The following PPFIA4 variants were observed in gnomAD, a reference collection of about 807,000 sequenced individuals.
The protein encoded by PPFIA4 is liprin-alpha-4.
Under a neutral mutation model 145.7 loss-of-function variants are expected in PPFIA4, and 98 were observed. The observed-to-expected ratio is 0.67, with a 90% CI of 0.57 to 0.80. The LOEUF (loss-of-function observed/expected upper bound fraction) is 0.80, where lower values mean the gene tolerates loss of function less well. PPFIA4 is among the 30% of genes least tolerant of loss of function. PPFIA4 has a pLI of 0.00. For missense variants in PPFIA4, 1,457 were observed against 1,632.7 expected, an observed-to-expected ratio of 0.89 and a Z score of 1.85; for synonymous variants, 628 against 649.6, an observed-to-expected ratio of 0.97 and a Z score of 0.51.
Position 203,038,811 on chromosome 1 carries a change from A to T in PPFIA4, c.-198A>T, listed in dbSNP as rs1373807732. ...GAAGTTAAGCCAGGCCTTCTGGCTCAGTTCCACAGGGGCACTCCAGACCCC... is the reference window on the plus strand; with the variant it reads ...GAAGTTAAGCCAGGCCTTCTGGCTCTGTTCCACAGGGGCACTCCAGACCCC... On this transcript the variant is annotated 5_prime_UTR_variant, in exon 2 of 30. Transcript: ENST00000295706. 3 of 472,752 alleles carry T rather than the reference A, an allele frequency of 6.3e-6. No individual in the cohort carries two copies. Among genetic ancestry groups the T allele is most frequent in the Non-Finnish European group, 1.1e-5 (3 of 266,842 alleles). 29.3% of individuals were successfully genotyped at this position (472,752 alleles called of 1,614,324 possible).
At chr1:203,061,482 G>C in intron 23 of PPFIA4, 170 bp from the exon 24 acceptor site, 1 of 640,492 alleles carries the variant, frequency 1.6e-6, no homozygotes, top group South Asian at 2.3e-5. Flanking sequence ...GCAAACATGG[G>C]TGCACACACC....
chr1:203,052,152 G>A (rs1376919772), intron 14 of PPFIA4, among the ~76,000 whole-genome samples: 1 of 151,904 alleles, frequency 6.6e-6, no homozygotes, highest in African/African-American at 2.4e-5. Flanking sequence ...GTGCCTGGGC[G>A]TGCAGGCGTG....
rs114666415 is a variant in PPFIA4 at position 203,063,474 on chromosome 1, A to G, written c.2875-354A>G. ...CCTGGGCTCAGCGGGCTTGAGGCTC[A>G]CTGAGAGTCAGGAAGGCACGTCTGC... On this transcript the variant is annotated intron_variant, in intron 24 of 29. Coordinates refer to ENST00000295706, the MANE Select transcript of PPFIA4 (RefSeq NM_001304331.2). 7.6e-3 allele frequency: 1,743 copies of G among 229,248 alleles called. 33 individuals carry two copies. Among genetic ancestry groups the G allele is most frequent in the African/African-American group, 0.039 (1,647 of 42,326 alleles). 14.2% of individuals were successfully genotyped at this position (229,248 alleles called of 1,614,324 possible). A position where few individuals can be genotyped will look rare whatever the true frequency, so the allele number is the denominator to read the frequency against.
chr1:203,029,273 C>T (rs1468567733), intron 1 of PPFIA4, among the ~76,000 whole-genome samples: 1 of 152,210 alleles, frequency 6.6e-6, no homozygotes, highest in Non-Finnish European at 1.5e-5. Context: ...GTCTCCATCC[C>T]CCCAGGTGAA....
In PPFIA4 at chr1:203,045,893, G is replaced by A. The variant is rs778933764; in HGVS notation, c.911G>A (p.Arg304His). 4.3e-5 allele frequency: 69 copies of A among 1,612,758 alleles called. No homozygotes were observed. In the Middle Eastern group the frequency reaches 9.9e-4, roughly 23 times the overall value. ...MEERITTLEK[R>H]YLAAQREATS... ...GAGCGGATTACTACACTGGAGAAGC[G>A]CTACCTGGCTGCTCAGCGTGAGGCA... Residue 304 changes from arginine (R) to histidine (H), a missense_variant, in exon 8 of 30, where the codon CGC (arginine) becomes CAC (histidine). Around this residue, in one of 3 missense-constraint regions of PPFIA4, gnomAD observed 463 missense variants for 459.8 expected, o/e 1.01. Transcript: ENST00000295706.
intron 2 of PPFIA4, among the ~76,000 whole-genome samples, chr1:203,040,586 A>G (rs746185264): frequency 4.6e-5 from 7 of 152,232 alleles, no homozygotes; most frequent in Non-Finnish European, 8.8e-5. Context: ...CTCATAGACT[A>G]GGAAGGAGAT....
At chr1:203,076,091 C>T (rs979535889) in intron 29 of PPFIA4, 26 of 599,298 alleles carry the variant, frequency 4.3e-5, no homozygotes, top group Non-Finnish European at 6.7e-5. Context: ...GTGGGCCAGG[C>T]CCGGGGACGC....
At position 203,043,298 on chromosome 1, in the gene PPFIA4, G is replaced by A; in HGVS notation, c.235-99G>A. 9.7e-7 allele frequency: 1 copy of A among 1,030,374 alleles called. No homozygotes were observed. Among genetic ancestry groups the A allele is most frequent in the Non-Finnish European group, 1.5e-6 (1 of 684,560 alleles). The allele number at this position is 1,030,374 out of a possible 1,614,324, so 63.8% of individuals were successfully genotyped here. On this transcript the variant is annotated intron_variant, in intron 2 of 29. Transcript: ENST00000295706. The surrounding 1 kb of genome is among the most constrained non-coding windows in gnomAD (Gnocchi z 4.4). ...GGATTTTGTGGGGGAGGTGGTGGAA[G>A]TAAGGGATGGGTGAGAGGATCCCAC...
intron 13 of PPFIA4, 170 bp from the exon 14 acceptor site, chr1:203,051,599 C>A: frequency 7.8e-7 from 1 of 1,288,068 alleles, no homozygotes; most frequent in Non-Finnish European, 1.0e-6. Context: ...GGGCATACGT[C>A]TGCTCTCTTG....
rs1200434527 is a variant in PPFIA4 at position 203,055,376 on chromosome 1, C to T, written c.1830-56C>T. The T allele has an allele frequency of 1.2e-6, 2 of 1,607,524 alleles. No individual in the cohort carries two copies. Among genetic ancestry groups the T allele is most frequent in the African/African-American group, 1.3e-5 (1 of 74,818 alleles). On this transcript the variant is annotated intron_variant, in intron 15 of 29. Coordinates refer to ENST00000295706, the MANE Select transcript of PPFIA4 (RefSeq NM_001304331.2). The surrounding 1 kb of genome is among the most constrained non-coding windows in gnomAD (Gnocchi z 4.8). The stretch of plus-strand genomic sequence containing the variant: ...GAGTGCAGGCATCGACCCGCACTGC[C>T]TCCTGCTGGTCCTGGCTGGGGCTAG...
rs1277173415 is a variant in PPFIA4 at position 203,048,443 on chromosome 1, G to A, written c.1224+133G>A. ...ACAGAGAGTGGGAGGAGGCTGGCAGGTGAAGGGGGAGGTGGTCAGGAGACT... is the reference window on the plus strand; with the variant it reads ...ACAGAGAGTGGGAGGAGGCTGGCAGATGAAGGGGGAGGTGGTCAGGAGACT... On this transcript the variant is annotated intron_variant, in intron 10 of 29. Coordinates refer to ENST00000295706, the MANE Select transcript of PPFIA4 (RefSeq NM_001304331.2). This position sits in a 1 kb window ranked among gnomAD's most constrained non-coding sequence, Gnocchi z 5.8. 3.4e-6 allele frequency: 5 copies of A among 1,465,664 alleles called. No homozygotes were observed. The highest frequency in any genetic ancestry group is 2.8e-5 in the African/African-American group (2 of 71,352). The allele number at this position is 1,465,664 out of a possible 1,614,324, so 90.8% of individuals were successfully genotyped here.
intron 14 of PPFIA4, 137 bp downstream of exon 14, chr1:203,052,014 G>GGT (rs1359193093): frequency 2.9e-5 from 28 of 971,418 alleles, no homozygotes; most frequent in Non-Finnish European, 4.1e-5. Flanking sequence ...GCAGCCCTGG[G>GGT]GTTGAGGCCA....
intron 1 of PPFIA4, chr1:203,034,582 A>T (rs544532262): frequency 2.2e-6 from 1 of 456,312 alleles, no homozygotes; most frequent in South Asian, 1.5e-5. Flanking sequence ...GAAGCTGCCT[A>T]CAACTTGGTG....
intron 8 of PPFIA4, 92 bp downstream of exon 8, chr1:203,046,079 G>A (rs1660063845): frequency 1.3e-6 from 2 of 1,577,000 alleles, no homozygotes; most frequent in Middle Eastern, 1.9e-4. Flanking sequence ...GAGCCCCTGG[G>A]GTCCTGCAGG....
rs1482999854 is a variant in PPFIA4 at position 203,060,461 on chromosome 1, G to A, written c.2784+44G>A. The stretch of plus-strand genomic sequence containing the variant: ...GCCCAGGACATTTTCAGAGGTCCTG[G>A]AACATAGTTTGCAAGGTCTCCTGTT... On this transcript the variant is annotated intron_variant, in intron 22 of 29. Transcript: ENST00000295706. This position sits in a 1 kb window ranked among gnomAD's most constrained non-coding sequence, Gnocchi z 4.8. 1 of 1,596,396 alleles carries A rather than the reference G, an allele frequency of 6.3e-7. No individual in the cohort carries two copies. The highest frequency in any genetic ancestry group is 1.7e-5 in the Admixed American group (1 of 59,950).
At chr1:203,027,502 C>G (rs2102597040) in intron 1 of PPFIA4, among the ~76,000 whole-genome samples, 1 of 152,220 alleles carries the variant, frequency 6.6e-6, no homozygotes, top group African/African-American at 2.4e-5. Flanking sequence ...ATCAGAGGAG[C>G]AGGAGAGTTG....
At chr1:203,059,690 C>G in intron 20 of PPFIA4, 80 bp from the exon 21 acceptor site, 1 of 1,243,560 alleles carries the variant, frequency 8.0e-7, no homozygotes, top group Non-Finnish European at 1.2e-6. Flanking sequence ...CCAGCTCTTG[C>G]ACAGCCCAGT....
In PPFIA4 at chr1:203,048,343, T is replaced by C; in HGVS notation, c.1224+33T>C. On this transcript the variant is annotated intron_variant, in intron 10 of 29. Coordinates refer to ENST00000295706, the MANE Select transcript of PPFIA4 (RefSeq NM_001304331.2). This position sits in a 1 kb window ranked among gnomAD's most constrained non-coding sequence, Gnocchi z 5.8. Reference sequence around the variant, plus strand: ...CACCAGGCCGGGCCCTCAGGCCCCCTCCTTCCCGCAGGACAGGCTCCCAGG... The same window carrying C: ...CACCAGGCCGGGCCCTCAGGCCCCCCCCTTCCCGCAGGACAGGCTCCCAGG... The C allele has an allele frequency of 1.2e-6, 2 of 1,601,992 alleles. No homozygotes were observed. Among genetic ancestry groups the C allele is most frequent in the Non-Finnish European group, 1.7e-6 (2 of 1,173,980 alleles).
chr1:203,047,518 A>G (rs1190712642), intron 9 of PPFIA4, among the ~76,000 whole-genome samples: 1 of 152,212 alleles, frequency 6.6e-6, no homozygotes, highest in Non-Finnish European at 1.5e-5. Flanking sequence ...TTTCCTGACT[A>G]TAAGAGATGT....
Sources: gnomAD v4.1 joint callset for allele counts (sites outside exome capture counted in the v4.1 genomes callset) on GRCh38, gnomAD v4.1.1 for gene constraint, gnomAD v4.1.1 regional missense constraint, Gnocchi (gnomAD v3.1) non-coding constraint, MANE v1.5 for transcripts, NCBI Gene and HGNC (gene_info 2026-07-23, HGNC 2026-07-21) for gene names.